JAZF1: variants seen among roughly 807,000 people sequenced by gnomAD.
The protein encoded by JAZF1 is juxtaposed with another zinc finger protein 1.
A neutral mutation model predicts 26.4 loss-of-function variants in JAZF1; 8 were observed. The ratio of observed to expected loss-of-function variants is 0.30; its 90% confidence interval spans 0.18 to 0.55. JAZF1 has a LOEUF of 0.55. JAZF1 is among the 20% of genes least tolerant of loss of function. The pLI is 0.94. For synonymous variants in JAZF1, 126 were observed against 122.3 expected, an observed-to-expected ratio of 1.03 and a Z score of -0.20; for missense variants, 199 against 322.0, an observed-to-expected ratio of 0.62 and a Z score of 2.92.
At chr7:28,097,695 G>A (rs1401183591) in intron 1 of JAZF1, among the ~76,000 whole-genome samples, 2 of 152,162 alleles carry the variant, frequency 1.3e-5, no homozygotes, top group East Asian at 3.8e-4. Context: ...GGGAGGAGGT[G>A]GGATTTCAGG....
At chr7:27,971,355 G>A (rs1371713057) in intron 2 of JAZF1, among the ~76,000 whole-genome samples, 6 of 152,066 alleles carry the variant, frequency 3.9e-5, no homozygotes, top group Admixed American at 1.3e-4. Flanking sequence ...GGGATATGCC[G>A]CTGACTTAGC....
chr7:28,153,771 C>G (rs998065163), intron 1 of JAZF1, among the ~76,000 whole-genome samples: 7 of 152,144 alleles, frequency 4.6e-5, no homozygotes, highest in Non-Finnish European at 7.3e-5. Context: ...ATATGACAAT[C>G]AGAATTGATG....
chr7:28,105,492 T>C (rs575823137), intron 1 of JAZF1, among the ~76,000 whole-genome samples: 1 of 152,302 alleles, frequency 6.6e-6, no homozygotes, highest in East Asian at 1.9e-4. Flanking sequence ...GCCTGCCCTA[T>C]TTCAGGAATG....
intron 1 of JAZF1, among the ~76,000 whole-genome samples, chr7:28,113,133 G>A (rs1011118155): frequency 4.6e-5 from 7 of 152,298 alleles, no homozygotes; most frequent in East Asian, 1.9e-4. Flanking sequence ...ATCCAGGTTC[G>A]TTCTCAGAGT....
At chr7:28,138,641 TCG>T (rs1782920246) in intron 1 of JAZF1, among the ~76,000 whole-genome samples, 1 of 152,228 alleles carries the variant, frequency 6.6e-6, no homozygotes, top group Admixed American at 6.5e-5. Context: ...TCATCCTAAC[TCG>T]CTCTGTGAAG....
At chr7:27,962,429 G>C (rs974052725) in intron 2 of JAZF1, among the ~76,000 whole-genome samples, 1 of 152,146 alleles carries the variant, frequency 6.6e-6, no homozygotes, top group African/African-American at 2.4e-5. Context: ...GGCTCTCATG[G>C]CTGGGTGATT....
At chr7:27,861,101 A>C (rs948484373) in intron 3 of JAZF1, among the ~76,000 whole-genome samples, 7 of 152,090 alleles carry the variant, frequency 4.6e-5, no homozygotes, top group East Asian at 1.9e-4. Flanking sequence ...GGAGTCCCTG[A>C]ATGTCTGAGG....
chr7:28,054,920 C>T (rs538387665), intron 1 of JAZF1, among the ~76,000 whole-genome samples: 2 of 152,094 alleles, frequency 1.3e-5, no homozygotes, highest in African/African-American at 2.4e-5. Context: ...CAGTGCATGG[C>T]GCTCACATTG....
At chr7:28,074,704 CATA>C (rs1784025484) in intron 1 of JAZF1, among the ~76,000 whole-genome samples, 1 of 152,034 alleles carries the variant, frequency 6.6e-6, no homozygotes, top group Non-Finnish European at 1.5e-5. Context: ...TTAAATTTTG[CATA>C]ATATTTCTCA....
chr7:27,839,145 C>A (rs1195480478), intron 4 of JAZF1, among the ~76,000 whole-genome samples: 2 of 152,200 alleles, frequency 1.3e-5, no homozygotes, highest in African/African-American at 2.4e-5. Flanking sequence ...CACCCTGTGC[C>A]CAGAACCCAG....
chr7:28,014,749 T>C lies in JAZF1; in HGVS notation c.116-22768A>G, dbSNP rs539249052. On this transcript the variant is annotated intron_variant, in intron 1 of 4. Transcript: ENST00000283928. ...AGGTCCTAGACAGCAGTAATAAACC[T>C]GGGTGTTAGAGAACGGAATGTCTCT... Among the ~76,000 whole-genome samples, 17 of 152,330 alleles carry C rather than the reference T, an allele frequency of 1.1e-4. No individual in the cohort carries two copies. In the East Asian group the frequency reaches 3.3e-3, roughly 29 times the overall value.
At chr7:28,021,369 A>G (rs193053524) in intron 1 of JAZF1, among the ~76,000 whole-genome samples, 4 of 152,340 alleles carry the variant, frequency 2.6e-5, no homozygotes, top group Admixed American at 2.0e-4. Flanking sequence ...CCATCTGAAC[A>G]TGATCTGTGA....
chr7:27,862,421 T>C (rs1376888109), intron 3 of JAZF1, among the ~76,000 whole-genome samples: 2 of 149,504 alleles, frequency 1.3e-5, no homozygotes, highest in African/African-American at 4.9e-5. Context: ...GAGTACCCAA[T>C]GAACATAAAG....
intron 2 of JAZF1, among the ~76,000 whole-genome samples, chr7:27,909,200 G>A (rs910011507): frequency 6.9e-6 from 1 of 145,478 alleles, no homozygotes; most frequent in African/African-American, 2.7e-5. Context: ...CCCAGGCCCT[G>A]CTAATTTTGA....
chr7:28,165,581 C>T (rs1186018767), intron 1 of JAZF1, among the ~76,000 whole-genome samples: 1 of 152,140 alleles, frequency 6.6e-6, no homozygotes, highest in Non-Finnish European at 1.5e-5. Context: ...TCTCCTATCC[C>T]ACCCCCTCAA....
chr7:28,033,516 C>A (rs1006079731), intron 1 of JAZF1, among the ~76,000 whole-genome samples: 3 of 152,064 alleles, frequency 2.0e-5, no homozygotes, highest in South Asian at 4.1e-4. Context: ...GAGGACGTAC[C>A]GCTAATGAGA....
chr7:27,929,979 C>T (rs964864636), intron 2 of JAZF1, among the ~76,000 whole-genome samples: 84 of 143,558 alleles, frequency 5.9e-4, no homozygotes, highest in Middle Eastern at 3.2e-3. Flanking sequence ...TCCCTCCCTC[C>T]CTCTCTCTCT....
intron 1 of JAZF1, among the ~76,000 whole-genome samples, chr7:28,012,802 G>A (rs1479792540): frequency 2.0e-5 from 3 of 152,240 alleles, no homozygotes; most frequent in African/African-American, 7.2e-5. Flanking sequence ...CATCTCTTGA[G>A]ACTCTTCTCC....
chr7:27,943,365 A>G (rs1401059447), intron 2 of JAZF1, among the ~76,000 whole-genome samples: 1 of 152,140 alleles, frequency 6.6e-6, no homozygotes, highest in Non-Finnish European at 1.5e-5. Context: ...AGAGGAAAGG[A>G]GGGTAGTGTA....
Sources: gnomAD v4.1 joint callset for allele counts (sites outside exome capture counted in the v4.1 genomes callset) on GRCh38, gnomAD v4.1.1 for gene constraint, MANE v1.5 for transcripts, NCBI Gene and HGNC (gene_info 2026-07-23, HGNC 2026-07-21) for gene names.